The following ADAMTS9 variants were observed in gnomAD, a reference collection of about 807,000 sequenced individuals.
ADAMTS9 encodes the protein A disintegrin and metalloproteinase with thrombospondin motifs 9.
A neutral mutation model predicts 257.1 loss-of-function variants in ADAMTS9; 107 were observed. The ratio of observed to expected loss-of-function variants is 0.42; its 90% CI spans 0.36 to 0.49. The LOEUF (loss-of-function observed/expected upper bound fraction) is 0.49, where lower values mean the gene tolerates loss of function less well. Among genes scored for constraint, ADAMTS9 ranks in the 20% least tolerant of loss-of-function variants. The pLI, the probability that ADAMTS9 is intolerant of heterozygous loss-of-function variation, is 0.03. For missense variants in ADAMTS9, 2,353 were observed against 2,469.1 expected, an observed-to-expected ratio of 0.95 and a Z score of 1.00; for synonymous variants, 982 against 880.9, an observed-to-expected ratio of 1.11 and a Z score of -2.03.
rs889178157 is a variant in ADAMTS9, at chr3:64,516,235, C to T, written c.*892G>A. ...TGGATGTCATTTTAGAGTATCTTGG[C>T]AAAATGGTGAGAGGATCTCACTTTC... is the stretch of plus-strand genomic sequence containing the variant. On this transcript the variant is annotated 3_prime_UTR_variant, in exon 40 of 40. Coordinates refer to ENST00000498707, the MANE Select transcript of ADAMTS9 (RefSeq NM_182920.2). 3.9e-5 allele frequency: 6 copies of T among 152,506 alleles called. No homozygotes were observed. The highest frequency in any genetic ancestry group is 1.4e-4 in the African/African-American group (6 of 41,406). The allele number at this position is 152,506 out of a possible 1,614,324, so 9.4% of individuals were successfully genotyped here. A position where few individuals can be genotyped will look rare whatever the true frequency, so the allele number is the denominator to read the frequency against.
At chr3:64,542,269 C>T (rs9311891) in intron 32 of ADAMTS9, among the ~76,000 whole-genome samples, 7,230 of 151,988 alleles carry the variant, frequency 0.048, 753 homozygotes, top group Admixed American at 0.25. Context: ...CCTCACAGTA[C>T]CCCTATGAGA....
intron 31 of ADAMTS9, among the ~76,000 whole-genome samples, chr3:64,548,255 G>C (rs1177542855): frequency 2.0e-5 from 3 of 152,180 alleles, no homozygotes; most frequent in Non-Finnish European, 2.9e-5. Flanking sequence ...AACAAGTCCA[G>C]CTAGAGGCAC....
chr3:64,644,009 C>T (rs925310518), intron 11 of ADAMTS9, among the ~76,000 whole-genome samples: 2 of 152,140 alleles, frequency 1.3e-5, no homozygotes, highest in Non-Finnish European at 2.9e-5. Flanking sequence ...TCCTTAAAGT[C>T]TGTTTCCACA....
chr3:64,592,193 G>A (rs529660537), intron 28 of ADAMTS9, among the ~76,000 whole-genome samples: 5 of 152,278 alleles, frequency 3.3e-5, no homozygotes, highest in African/African-American at 4.8e-5. Flanking sequence ...TAAAAGCCTT[G>A]CAGAAGTGGC....
intron 12 of ADAMTS9, among the ~76,000 whole-genome samples, chr3:64,639,764 G>C (rs1246778273): frequency 1.3e-5 from 2 of 152,028 alleles, no homozygotes; most frequent in Non-Finnish European, 2.9e-5. Context: ...ACGATACAAG[G>C]TTTTCTTTTA....
At chr3:64,675,700 G>C (rs530869384) in intron 3 of ADAMTS9, among the ~76,000 whole-genome samples, 1 of 152,254 alleles carries the variant, frequency 6.6e-6, no homozygotes, top group East Asian at 1.9e-4. Flanking sequence ...CCATAGTATA[G>C]CACATTGGAA....
chr3:64,540,690 G>A (rs1303890515), intron 36 of ADAMTS9, among the ~76,000 whole-genome samples: 1 of 152,094 alleles, frequency 6.6e-6, no homozygotes, highest in Non-Finnish European at 1.5e-5. Context: ...CCCTGTGCCT[G>A]GCTAACCCTA....
intron 12 of ADAMTS9, among the ~76,000 whole-genome samples, chr3:64,637,091 T>G (rs1700519709): frequency 6.6e-6 from 1 of 152,176 alleles, no homozygotes; most frequent in African/African-American, 2.4e-5. Context: ...CAGGTTACAA[T>G]TTCTTCCTTA....
At chr3:64,675,137 G>A (rs990827684) in intron 3 of ADAMTS9, among the ~76,000 whole-genome samples, 1 of 152,188 alleles carries the variant, frequency 6.6e-6, no homozygotes, top group African/African-American at 2.4e-5. Context: ...AAGGGCTGAA[G>A]AAAATGGTAT....
intron 21 of ADAMTS9, 126 bp from the exon 22 acceptor site, chr3:64,613,635 T>G (rs554274268): frequency 1.1e-6 from 1 of 879,480 alleles, no homozygotes; most frequent in Admixed American, 3.5e-5. Context: ...CCATAGCAAT[T>G]TGTAAATATA....
intron 29 of ADAMTS9, chr3:64,563,060 T>C (rs1222145074): frequency 6.6e-6 from 1 of 152,192 alleles, no homozygotes; most frequent in African/African-American, 2.4e-5. Flanking sequence ...TTGGGCTCAA[T>C]TGTATTAATT....
intron 28 of ADAMTS9, among the ~76,000 whole-genome samples, chr3:64,570,957 G>C (rs1010709990): frequency 1.3e-5 from 2 of 152,144 alleles, no homozygotes; most frequent in African/African-American, 2.4e-5. Flanking sequence ...TGCTTGACTA[G>C]GGTGAAGAAA....
At position 64,604,228 on chromosome 3, in the gene ADAMTS9, G is replaced by A. The variant is rs764321473; in HGVS notation, c.3578C>T (p.Pro1193Leu). ...CATTTCTCCCAGTCTATTTCTTACT[G>A]GGGTCCAAGACCCAAATCGCCACTG... ...RTQWRFGSWT[P>L]CSATCGKGTR... Residue 1193 changes from proline to leucine, a missense_variant and splice_region_variant, in exon 24 of 40, where the codon CCA (proline) becomes CTA (leucine). Pro to Leu is a moderately conservative substitution (Grantham distance 98). This residue lies in a region of ADAMTS9 where 1,402 missense variants were observed against 1,441.4 expected (regional missense o/e 0.97). Coordinates refer to ENST00000498707, the MANE Select transcript of ADAMTS9 (RefSeq NM_182920.2). The A allele has an allele frequency of 7.4e-6, 12 of 1,611,634 alleles. No individual in the cohort carries two copies. The Admixed American group carries it at 1.3e-4, about 18-fold the overall frequency.
At chr3:64,518,267 A>C (rs550938612) in intron 39 of ADAMTS9, among the ~76,000 whole-genome samples, 1 of 152,324 alleles carries the variant, frequency 6.6e-6, no homozygotes, top group African/African-American at 2.4e-5. Context: ...TAAGATAACA[A>C]ATTTCCTTCA....
intron 12 of ADAMTS9, among the ~76,000 whole-genome samples, chr3:64,640,246 A>T (rs1269582299): frequency 1.3e-5 from 2 of 152,214 alleles, no homozygotes; most frequent in Non-Finnish European, 2.9e-5. Context: ...AACTTAATTA[A>T]TCATCATCTG....
chr3:64,608,258 C>CAAAAAAAAAAAAAAAAAAAAAAAAA (rs57247914), intron 22 of ADAMTS9, among the ~76,000 whole-genome samples: 3 of 53,312 alleles, frequency 5.6e-5, no homozygotes, highest in Non-Finnish European at 7.9e-5. Flanking sequence ...AAACTAAAAC[C>CAAAAAAAAAAAAAAAAAAAAAAAAA]AAAAAAAAAA....
chr3:64,541,865 G>C lies in ADAMTS9; in HGVS notation c.5170C>G (p.Arg1724Gly). 6.2e-7 allele frequency: 1 copy of C among 1,614,158 alleles called. No individual in the cohort carries two copies. The highest frequency in any genetic ancestry group is 8.5e-7 in the Non-Finnish European group (1 of 1,180,012). The change falls in exon 33 of 40, where the codon CGA becomes GGA. Residue 1724 changes from arginine to glycine, a missense_variant. Arg to Gly is a moderately radical substitution (Grantham distance 125). Around this residue, in one of 3 missense-constraint regions of ADAMTS9, gnomAD observed 1,402 missense variants for 1,441.4 expected, o/e 0.97. Transcript: ENST00000498707. ...LCHTDLKPEE[R>G]KTCRNVYNCE... ...TTATAGACATTACGGCAGGTTTTTC[G>C]TTCTTCTGGCTTCAGATCAGTGTGG...
At chr3:64,643,999 T>C (rs919767930) in intron 11 of ADAMTS9, among the ~76,000 whole-genome samples, 11 of 152,032 alleles carry the variant, frequency 7.2e-5, no homozygotes, top group African/African-American at 2.7e-4. Flanking sequence ...CTTGGGTGAG[T>C]CCTTAAAGTC....
chr3:64,681,650 C>T (rs1008078536), intron 2 of ADAMTS9, among the ~76,000 whole-genome samples: 8 of 152,270 alleles, frequency 5.3e-5, no homozygotes, highest in Middle Eastern at 3.4e-3. Flanking sequence ...CTCAAGCAAA[C>T]CCCCCACCTC....
Sources: gnomAD v4.1 joint callset for allele counts (sites outside exome capture counted in the v4.1 genomes callset) on GRCh38, gnomAD v4.1.1 for gene constraint, gnomAD v4.1.1 regional missense constraint, MANE v1.5 for transcripts, NCBI Gene and HGNC (gene_info 2026-07-23, HGNC 2026-07-21) for gene names.